The following GMPS variants were observed in gnomAD, a reference collection of about 807,000 sequenced individuals.
The protein encoded by GMPS is guanosine monophosphate synthase.
A neutral mutation model predicts 77.9 loss-of-function variants in GMPS; 15 were observed. That is an observed-to-expected ratio of 0.19 (90% CI 0.13 to 0.30). GMPS has a LOEUF of 0.30. Ranked by LOEUF, GMPS falls within the 10% of genes least tolerant of loss-of-function variation. GMPS has a pLI of 1.00. For synonymous variants in GMPS, 224 were observed against 275.9 expected (o/e 0.81, Z 1.86); for missense variants, 590 against 838.8 (o/e 0.70, Z 3.66).
rs368366043 is a variant in GMPS at position 155,931,873 on chromosome 3, G to A, written c.1669G>A (p.Val557Ile). The A allele has an allele frequency of 1.4e-5, 20 of 1,439,134 alleles. No individual in the cohort carries two copies. The highest frequency in any genetic ancestry group is 1.8e-5 in the Non-Finnish European group (18 of 1,021,950). 89.1% of individuals were successfully genotyped at this position (1,439,134 alleles called of 1,614,324 possible). Residue 557 changes from valine (V) to isoleucine (I), a missense_variant, in exon 13 of 16, where the codon GTT becomes ATT. By Grantham distance (29) the Val-to-Ile change is conservative. Around this residue, in one of 6 missense-constraint regions of GMPS, gnomAD observed 89 missense variants for 95.9 expected, o/e 0.93. Coordinates refer to ENST00000496455, the MANE Select transcript of GMPS (RefSeq NM_003875.3). Reference protein sequence around the residue: ...ARLIPRMCHNVNRVVYIFGPP... With the variant: ...ARLIPRMCHNINRVVYIFGPP... Reference sequence around the variant, plus strand: ...GCTTATACCTCGCATGTGTCACAACGTTAACAGGTGTGTTTCACAGGAGCT... The same window carrying A: ...GCTTATACCTCGCATGTGTCACAACATTAACAGGTGTGTTTCACAGGAGCT...
At chr3:155,872,588 T>C (rs1753931158) in intron 1 of GMPS, among the ~76,000 whole-genome samples, 1 of 152,238 alleles carries the variant, frequency 6.6e-6, no homozygotes, top group Non-Finnish European at 1.5e-5. Flanking sequence ...CAGAAAAGTA[T>C]AAGATTTGTT....
At position 155,936,814 on chromosome 3, in the gene GMPS, G is replaced by A. The variant is rs116599115; in HGVS notation, c.1980+304G>A. ...CCAAATAAAAAAGAAAACTCTAGGA[G>A]TGAAGAAGAGTTTGTTAGAAATAAG... On this transcript the variant is annotated intron_variant, in intron 15 of 15. Coordinates refer to ENST00000496455, the MANE Select transcript of GMPS (RefSeq NM_003875.3). 6.4e-3 allele frequency among the ~76,000 whole-genome samples: 979 copies of A among 152,248 alleles called. 18 individuals are homozygous for A. Among genetic ancestry groups the A allele is most frequent in the African/African-American group, 0.023 (950 of 41,548 alleles).
At chr3:155,887,026 A>G (rs183197321) in intron 1 of GMPS, among the ~76,000 whole-genome samples, 114 of 152,320 alleles carry the variant, frequency 7.5e-4, no homozygotes, top group African/African-American at 2.7e-3. Context: ...TTAATATTTA[A>G]GATATATTGT....
chr3:155,936,539 G>A (rs375200364), intron 15 of GMPS, 29 bp downstream of exon 15: 87 of 1,290,508 alleles, frequency 6.7e-5, no homozygotes, highest in African/African-American at 5.4e-4. Flanking sequence ...TCTAATGCAC[G>A]TTCTCAGTAC....
intron 1 of GMPS, 46 bp downstream of exon 1, chr3:155,870,943 G>C: frequency 7.0e-7 from 1 of 1,419,256 alleles, no homozygotes; most frequent in Middle Eastern, 2.1e-4. Context: ...CGGAGGCGAG[G>C]CTCCCGGACC....
chr3:155,874,833 A>G (rs1454361310), intron 1 of GMPS, among the ~76,000 whole-genome samples: 2 of 151,922 alleles, frequency 1.3e-5, no homozygotes, highest in African/African-American at 2.4e-5. Context: ...GTTTGAAGTA[A>G]TGAATAATTA....
At chr3:155,924,018 T>G (rs1049561856) in intron 11 of GMPS, among the ~76,000 whole-genome samples, 1 of 152,190 alleles carries the variant, frequency 6.6e-6, no homozygotes, top group Admixed American at 6.5e-5. Flanking sequence ...GTAGCTGGGA[T>G]TACAGGCATG....
upstream of GMPS, chr3:155,870,389 C>A (rs1753869794): frequency 5.8e-6 from 1 of 172,118 alleles, no homozygotes; most frequent in South Asian, 2.0e-4. Context: ...TCCTCCGGGG[C>A]GGGCTCCTCG....
chr3:155,911,004 C>T, intron 6 of GMPS, 110 bp from the exon 7 acceptor site: 1 of 1,088,462 alleles, frequency 9.2e-7, no homozygotes, highest in Non-Finnish European at 1.3e-6. Flanking sequence ...TTTCCAGTTA[C>T]CATACATATC....
At position 155,916,060 on chromosome 3, in the gene GMPS, G is replaced by A; in HGVS notation, c.1080G>A (p.Glu360=). The A allele has an allele frequency of 6.2e-7, 1 of 1,613,444 alleles. No homozygotes were observed. The highest frequency in any genetic ancestry group is 8.5e-7 in the Non-Finnish European group (1 of 1,179,480). Residue 360 remains glutamate, a synonymous_variant, in exon 9 of 16, where the codon GAG becomes GAA. Coordinates refer to ENST00000496455, the MANE Select transcript of GMPS (RefSeq NM_003875.3). ...TTGGAGAAATGAACTTGAAACCAGA[G>A]GAGGTTTTCCTTGCCCAAGGTACTT... ...EVIGEMNLKP[E]EVFLAQGTLR...
chr3:155,893,505 T>C lies in GMPS; in HGVS notation c.28-13T>C, dbSNP rs960737575. ...TCATAATTAAGACTTTGTATTTGTA[T>C]TGATATTTGCAGCTGGAGAATGCTG... is the stretch of plus-strand genomic sequence containing the variant. On this transcript the variant is annotated splice_polypyrimidine_tract_variant and intron_variant, in intron 1 of 15. Transcript: ENST00000496455. 9 of 1,560,114 alleles carry C rather than the reference T, an allele frequency of 5.8e-6. No individual in the cohort carries two copies. Among genetic ancestry groups the C allele is most frequent in the South Asian group, 1.2e-5 (1 of 85,824 alleles).
At chr3:155,895,313 A>G (rs1168722043) in intron 2 of GMPS, 2 of 148,610 alleles carry the variant, frequency 1.3e-5, no homozygotes, top group Non-Finnish European at 3.0e-5. Context: ...TTTTTTTTTT[A>G]TTATTTTTTT....
rs555949526 is a variant in GMPS, at chr3:155,924,552, A to T, written c.1435-689A>T. Among the ~76,000 whole-genome samples, 48 of 152,266 alleles carry T rather than the reference A, an allele frequency of 3.2e-4. No individual in the cohort carries two copies. In the East Asian group the frequency reaches 8.5e-3, roughly 27 times the overall value. On this transcript the variant is annotated intron_variant, in intron 11 of 15. Coordinates refer to ENST00000496455, the MANE Select transcript of GMPS (RefSeq NM_003875.3). ...ACTACTGCAAGAATAGAAATAGAGG[A>T]TTTAACTTCAAAACCGGTAAAGAGG...
rs375351109 is a variant in GMPS at position 155,941,402 on chromosome 3, CA to C, written c.*3726del. ...CTGGTGAAAGAGCGAGACTCAGTCT[CA>C]AAAAAAAAAAAAAAAGGAAGTTCTT... On this transcript the variant is annotated 3_prime_UTR_variant, in exon 16 of 16. Coordinates refer to ENST00000496455, the MANE Select transcript of GMPS (RefSeq NM_003875.3). 3.4e-3 allele frequency: 538 copies of C among 157,058 alleles called. No homozygotes were observed. Among genetic ancestry groups the C allele is most frequent in the Middle Eastern group, 0.015 (6 of 394 alleles). 9.7% of individuals were successfully genotyped at this position (157,058 alleles called of 1,614,324 possible). A position where few individuals can be genotyped will look rare whatever the true frequency, so the allele number is the denominator to read the frequency against.
rs560823882 is a variant in GMPS, at chr3:155,942,243, C to G, written c.*4551C>G. The G allele has an allele frequency of 5.5e-6, 1 of 182,284 alleles. No individual in the cohort carries two copies. Among genetic ancestry groups the G allele is most frequent in the East Asian group, 9.1e-5 (1 of 11,044 alleles). The allele number at this position is 182,284 out of a possible 1,614,324, so 11.3% of individuals were successfully genotyped here. On this transcript the variant is annotated 3_prime_UTR_variant, in exon 16 of 16. Coordinates refer to ENST00000496455, the MANE Select transcript of GMPS (RefSeq NM_003875.3). ...CTGGGACTACAGGCGCCCGCCACTA[C>G]GCCCGGCTAATTTTTTTGTACTTTT...
At chr3:155,910,637 C>A in intron 5 of GMPS, 55 bp from the exon 6 acceptor site, 1 of 774,416 alleles carries the variant, frequency 1.3e-6, no homozygotes, top group Non-Finnish European at 2.0e-6. Context: ...GTGGTTATTG[C>A]TTGAGTCTTT....
intron 1 of GMPS, among the ~76,000 whole-genome samples, chr3:155,886,760 C>T (rs1754349712): frequency 6.6e-6 from 1 of 151,810 alleles, no homozygotes; most frequent in Non-Finnish European, 1.5e-5. Context: ...CCCGCCTCAG[C>T]CTCCCAAAGT....
chr3:155,922,062 G>C (rs1339181554), intron 10 of GMPS, 125 bp from the exon 11 acceptor site: 1 of 513,042 alleles, frequency 1.9e-6, no homozygotes, highest in African/African-American at 2.0e-5. Flanking sequence ...GGATACTTAT[G>C]ATGGGCAGAT....
At chr3:155,876,337 T>C (rs1754048456) in intron 1 of GMPS, among the ~76,000 whole-genome samples, 1 of 152,210 alleles carries the variant, frequency 6.6e-6, no homozygotes, top group Admixed American at 6.5e-5. Context: ...CTATCCTTAA[T>C]TGCCTGTGTC....
Sources: gnomAD v4.1 joint callset for allele counts (sites outside exome capture counted in the v4.1 genomes callset) on GRCh38, gnomAD v4.1.1 for gene constraint, gnomAD v4.1.1 regional missense constraint, MANE v1.5 for transcripts, NCBI Gene and HGNC (gene_info 2026-07-23, HGNC 2026-07-21) for gene names.